SDCCAG8: variants seen among roughly 807,000 people sequenced by gnomAD.
SDCCAG8 encodes the protein SHH signaling and ciliogenesis regulator SDCCAG8, also known as serologically defined colon cancer antigen 8.
Under a neutral mutation model 101.8 loss-of-function variants are expected in SDCCAG8, and 74 were observed. The ratio of observed to expected loss-of-function variants is 0.73; its 90% CI spans 0.60 to 0.88. The LOEUF (loss-of-function observed/expected upper bound fraction) is 0.88. SDCCAG8 is among the 40% of genes least tolerant of loss of function. SDCCAG8 has a pLI of 0.00. For missense variants in SDCCAG8, 787 were observed against 822.6 expected, an observed-to-expected ratio of 0.96 and a Z score of 0.53; for synonymous variants, 281 against 292.9, an observed-to-expected ratio of 0.96 and a Z score of 0.41.
At chr1:243,436,899 G>A (rs10927018) in intron 16 of SDCCAG8, among the ~76,000 whole-genome samples, 27,394 of 152,002 alleles carry the variant, frequency 0.18, 2,655 homozygotes, top group African/African-American at 0.23. Flanking sequence ...AGGTCTTTTC[G>A]CAAAAAGACA....
Position 243,348,973 on chromosome 1 carries a change from C to T in SDCCAG8, c.1473+4642C>T, listed in dbSNP as rs192521426. Among the ~76,000 whole-genome samples the T allele has an allele frequency of 1.5e-4, 22 of 150,042 alleles. No individual in the cohort carries two copies. The East Asian group carries it at 3.0e-3, about 20-fold the overall frequency. Reference sequence around the variant, plus strand: ...TGCACTCCAGCCTGGGCAACAAGAGCGAAACCCTGTCTTGGATAAAAACAA... The same window carrying T: ...TGCACTCCAGCCTGGGCAACAAGAGTGAAACCCTGTCTTGGATAAAAACAA... On this transcript the variant is annotated intron_variant, in intron 12 of 17. Transcript: ENST00000366541.
intron 16 of SDCCAG8, among the ~76,000 whole-genome samples, chr1:243,438,318 A>G (rs182213060): frequency 1.3e-5 from 2 of 152,206 alleles, no homozygotes; most frequent in East Asian, 3.9e-4. Flanking sequence ...CCTTTTATCT[A>G]CTTTTACAGT....
At chr1:243,340,495 A>C (rs1445371515) in intron 10 of SDCCAG8, among the ~76,000 whole-genome samples, 1 of 152,132 alleles carries the variant, frequency 6.6e-6, no homozygotes, top group Non-Finnish European at 1.5e-5. Context: ...ATGAGAAATG[A>C]GGGAGAACTA....
intron 16 of SDCCAG8, among the ~76,000 whole-genome samples, chr1:243,454,254 T>A (rs1385149903): frequency 6.6e-6 from 1 of 152,200 alleles, no homozygotes; most frequent in Non-Finnish European, 1.5e-5. Flanking sequence ...TCTTTTCATA[T>A]ATACCGTGCA....
chr1:243,259,611 G>A lies in SDCCAG8; in HGVS notation c.67+3371G>A, dbSNP rs115711662. ...GAGGCGGGCAGATCACCTGACGTCT[G>A]GAGTTCGAGAACAGCCTGAGCAATA... On this transcript the variant is annotated intron_variant, in intron 1 of 17. Coordinates refer to ENST00000366541, the MANE Select transcript of SDCCAG8 (RefSeq NM_006642.5). Among the ~76,000 whole-genome samples, 1,207 of 152,044 alleles carry A rather than the reference G, an allele frequency of 7.9e-3. 15 individuals carry two copies. Among genetic ancestry groups the A allele is most frequent in the African/African-American group, 0.027 (1,132 of 41,460 alleles).
intron 17 of SDCCAG8, among the ~76,000 whole-genome samples, chr1:243,495,444 G>C (rs888801919): frequency 1.3e-5 from 2 of 152,220 alleles, no homozygotes; most frequent in African/African-American, 4.8e-5. Flanking sequence ...CTCTGACTGC[G>C]GTGTGGAGGC....
intron 12 of SDCCAG8, 28 bp from the exon 13 acceptor site, chr1:243,378,693 A>G: frequency 1.2e-6 from 2 of 1,612,378 alleles, no homozygotes; most frequent in South Asian, 1.1e-5. Context: ...TTTTATATGG[A>G]TGCTTTTTCC....
chr1:243,387,890 A>G (rs766648255), intron 13 of SDCCAG8, among the ~76,000 whole-genome samples: 8 of 151,966 alleles, frequency 5.3e-5, no homozygotes, highest in Non-Finnish European at 8.8e-5. Flanking sequence ...TAATTTTTGT[A>G]TTTTTAGTAG....
intron 8 of SDCCAG8, 57 bp from the exon 9 acceptor site, chr1:243,316,698 A>T: frequency 6.2e-7 from 1 of 1,607,432 alleles, no homozygotes; most frequent in Non-Finnish European, 8.5e-7. Flanking sequence ...TCCCTGACTT[A>T]TGAGGACAGG....
chr1:243,341,813 C>A (rs2075397469), intron 11 of SDCCAG8, among the ~76,000 whole-genome samples: 1 of 152,166 alleles, frequency 6.6e-6, no homozygotes, highest in Non-Finnish European at 1.5e-5. Context: ...GTAAGAAATA[C>A]TAGAAGTCCA....
rs148522211 is a variant in SDCCAG8, at chr1:243,412,855, C to A, written c.1617-2847C>A. On this transcript the variant is annotated intron_variant, in intron 13 of 17. Transcript: ENST00000366541. ...GATTTTTAAGTAGGTTTTTTTTTTC[C>A]AACTGTAAAGTGAGAGGGTTTGATG... 2.4e-4 allele frequency among the ~76,000 whole-genome samples: 37 copies of A among 151,088 alleles called. 1 individual carries two copies. Among genetic ancestry groups the A allele is most frequent in the African/African-American group, 8.2e-4 (34 of 41,240 alleles).
chr1:243,495,800 G>A (rs1416248009), intron 17 of SDCCAG8, among the ~76,000 whole-genome samples: 1 of 152,198 alleles, frequency 6.6e-6, no homozygotes, highest in East Asian at 1.9e-4. Flanking sequence ...GAGCTCACGT[G>A]GCTTATTTCA....
At chr1:243,291,506 T>C (rs2070262881) in intron 5 of SDCCAG8, among the ~76,000 whole-genome samples, 1 of 152,270 alleles carries the variant, frequency 6.6e-6, no homozygotes, top group Non-Finnish European at 1.5e-5. Context: ...TCACAGAGCC[T>C]ACTCTTCTTC....
chr1:243,477,746 A>C (rs1381011921), intron 16 of SDCCAG8, among the ~76,000 whole-genome samples: 2 of 152,214 alleles, frequency 1.3e-5, no homozygotes, highest in Admixed American at 1.3e-4. Context: ...CCATGGGCCC[A>C]TTCACTGGGG....
rs895073376 is a variant in SDCCAG8, at chr1:243,474,501, G to A, written c.1986-14513G>A. Among the ~76,000 whole-genome samples the A allele has an allele frequency of 2.0e-5, 3 of 152,190 alleles. No individual in the cohort carries two copies. Among genetic ancestry groups the A allele is most frequent in the Non-Finnish European group, 4.4e-5 (3 of 68,016 alleles). ...GTCGAAGCAGCCGCCGGGAGGTCTG[G>A]GTGGGCAGGGAGGCCGAGAGGACGG... On this transcript the variant is annotated intron_variant, in intron 16 of 17. Transcript: ENST00000366541. The surrounding 1 kb of genome is among the most constrained non-coding windows in gnomAD (Gnocchi z 4.7).
intron 12 of SDCCAG8, among the ~76,000 whole-genome samples, chr1:243,364,471 T>C (rs758656349): frequency 6.6e-6 from 1 of 152,160 alleles, no homozygotes; most frequent in South Asian, 2.1e-4. Flanking sequence ...TGATGTTCTC[T>C]GTAATTAGGT....
intron 10 of SDCCAG8, among the ~76,000 whole-genome samples, chr1:243,332,075 G>A (rs2074642042): frequency 1.3e-5 from 2 of 152,168 alleles, no homozygotes; most frequent in Admixed American, 1.3e-4. Flanking sequence ...CAGGTGAAGA[G>A]GGGAAGAGGG....
chr1:243,367,115 CTG>C (rs1361227822), intron 12 of SDCCAG8, among the ~76,000 whole-genome samples: 1 of 152,068 alleles, frequency 6.6e-6, no homozygotes, highest in African/African-American at 2.4e-5. Context: ...AAGTCAATAA[CTG>C]TAATGAATAT....
At chr1:243,476,290 C>T (rs1662397797) in intron 16 of SDCCAG8, 8 of 985,478 alleles carry the variant, frequency 8.1e-6, no homozygotes, top group Non-Finnish European at 9.6e-6. Context: ...TCAGCATTGA[C>T]GGTTCCGTAG....
Sources: gnomAD v4.1 joint callset for allele counts (sites outside exome capture counted in the v4.1 genomes callset) on GRCh38, gnomAD v4.1.1 for gene constraint, Gnocchi (gnomAD v3.1) non-coding constraint, MANE v1.5 for transcripts, NCBI Gene and HGNC (gene_info 2026-07-23, HGNC 2026-07-21) for gene names.